DAB1: variants seen among roughly 807,000 people sequenced by gnomAD.
DAB1 encodes disabled homolog 1.
Under a neutral mutation model 64.6 loss-of-function variants are expected in DAB1, and 15 were observed. The observed-to-expected ratio is 0.23, with a 90% CI of 0.16 to 0.36. DAB1 has a LOEUF of 0.36. Ranked by LOEUF, DAB1 falls within the 10% of genes least tolerant of loss-of-function variation. The pLI, the probability that DAB1 is intolerant of heterozygous loss-of-function variation, is 1.00. For synonymous variants in DAB1, 235 were observed against 251.9 expected, an observed-to-expected ratio of 0.93 and a Z score of 0.64; for missense variants, 596 against 706.7, an observed-to-expected ratio of 0.84 and a Z score of 1.78.
intron 7 of DAB1, among the ~76,000 whole-genome samples, chr1:57,436,286 T>G (rs1339404822): frequency 6.6e-6 from 1 of 152,206 alleles, no homozygotes; most frequent in Non-Finnish European, 1.5e-5. Flanking sequence ...CACAGACATG[T>G]GAGTATGCAT....
intron 3 of DAB1, among the ~76,000 whole-genome samples, chr1:58,489,985 A>G (rs1205402774): frequency 2.6e-5 from 4 of 152,192 alleles, no homozygotes; most frequent in Admixed American, 2.0e-4. Flanking sequence ...AACCATAAAG[A>G]TGGGGAAAAA....
Position 57,641,154 on chromosome 1 carries a change from T to C in DAB1, n.625+8438A>G, listed in dbSNP as rs192917344. Reference sequence around the variant, plus strand: ...TTGCTATAAGGACAAAATGAGCAAATTGAGGCCTGGGAGTGGAGGTGGGAT... The same window carrying C: ...TTGCTATAAGGACAAAATGAGCAAACTGAGGCCTGGGAGTGGAGGTGGGAT... On this transcript the variant is annotated intron_variant and non_coding_transcript_variant, in intron 7 of 20. Coordinates refer to the DAB1 transcript ENST00000485760. Among the ~76,000 whole-genome samples, 11 of 152,204 alleles carry C rather than the reference T, an allele frequency of 7.2e-5. No homozygotes were observed. In the East Asian group the frequency reaches 2.1e-3, roughly 29 times the overall value.
chr1:57,918,740 T>C (rs979512014), intron 5 of DAB1, among the ~76,000 whole-genome samples: 8 of 151,872 alleles, frequency 5.3e-5, no homozygotes, highest in Admixed American at 2.6e-4. Context: ...AGGAGAATGG[T>C]GTGAACCCAG....
chr1:57,426,782 T>C (rs1685300599), upstream of DAB1, among the ~76,000 whole-genome samples: 1 of 152,076 alleles, frequency 6.6e-6, no homozygotes, highest in South Asian at 2.1e-4. Flanking sequence ...TACTTCTGTC[T>C]ACGTCAAAAT....
intron 1 of DAB1, among the ~76,000 whole-genome samples, chr1:57,368,197 G>A (rs778216666): frequency 6.6e-5 from 10 of 152,198 alleles, no homozygotes; most frequent in Non-Finnish European, 8.8e-5. Context: ...GAGGGAAGCC[G>A]AAATGGGGCT....
At chr1:58,100,504 T>G (rs1480186344) in intron 5 of DAB1, among the ~76,000 whole-genome samples, 1 of 152,224 alleles carries the variant, frequency 6.6e-6, no homozygotes, top group Admixed American at 6.5e-5. Context: ...TAGACTATTG[T>G]GCATAATGCT....
chr1:57,157,848 T>G (rs12120310), intron 2 of DAB1, among the ~76,000 whole-genome samples: 39,704 of 152,036 alleles, frequency 0.26, 6,259 homozygotes, highest in Middle Eastern at 0.42. Flanking sequence ...CCTGTCCCAT[T>G]CTCATAAATT....
Position 57,108,515 on chromosome 1 carries a change from C to T in DAB1, c.306+28028G>A, listed in dbSNP as rs56111893. 5.1e-3 allele frequency among the ~76,000 whole-genome samples: 773 copies of T among 152,324 alleles called. 7 individuals are homozygous for T. Among genetic ancestry groups the T allele is most frequent in the African/African-American group, 0.017 (724 of 41,580 alleles). Reference sequence around the variant, plus strand: ...CAGTACTGTTCTCTACATTTCCCACCATTCATTACTCTTTTAGCTATTTAT... The same window carrying T: ...CAGTACTGTTCTCTACATTTCCCACTATTCATTACTCTTTTAGCTATTTAT... On this transcript the variant is annotated intron_variant, in intron 4 of 14. Coordinates refer to ENST00000371236, the MANE Select transcript of DAB1 (RefSeq NM_001365792.1).
At chr1:57,415,658 T>C (rs938901247) in intron 1 of DAB1, among the ~76,000 whole-genome samples, 12 of 152,198 alleles carry the variant, frequency 7.9e-5, no homozygotes, top group African/African-American at 2.9e-4. Flanking sequence ...TTACTAGCAC[T>C]ACTGGTTTAA....
At chr1:57,452,251 T>G (rs1010295291) in intron 7 of DAB1, among the ~76,000 whole-genome samples, 2 of 143,682 alleles carry the variant, frequency 1.4e-5, no homozygotes, top group African/African-American at 5.2e-5. Flanking sequence ...GACCTGAGAC[T>G]TAAAGTCATA....
intron 5 of DAB1, among the ~76,000 whole-genome samples, chr1:58,085,615 A>G (rs959134130): frequency 1.2e-4 from 18 of 151,738 alleles, no homozygotes; most frequent in African/African-American, 4.1e-4. Context: ...CAATCCCCCC[A>G]TCTCAGCCTC....
chr1:57,346,221 AG>A lies in DAB1; in HGVS notation c.-136-55056del, dbSNP rs556013850. ...AGTTCTTACTAATTTCAGAGGAAAA[AG>A]GGGTGAGGAGGAGTGAGAAGACGGA... On this transcript the variant is annotated intron_variant, in intron 1 of 14. Transcript: ENST00000371236. Among the ~76,000 whole-genome samples, 69 of 152,258 alleles carry A rather than the reference AG, an allele frequency of 4.5e-4. No homozygotes were observed. In the South Asian group the frequency reaches 0.014, roughly 31 times the overall value.
chr1:57,760,561 C>T (rs1649030457), intron 6 of DAB1, among the ~76,000 whole-genome samples: 1 of 151,638 alleles, frequency 6.6e-6, no homozygotes, highest in African/African-American at 2.4e-5. Context: ...CTCCTCCCTT[C>T]TCTACTCTTC....
rs148963901 is a variant in DAB1, at chr1:57,305,669, T to C, written c.-136-14503A>G. Among the ~76,000 whole-genome samples, 1,355 of 151,598 alleles carry C rather than the reference T, an allele frequency of 8.9e-3. 25 individuals carry two copies. Among genetic ancestry groups the C allele is most frequent in the African/African-American group, 0.031 (1,266 of 41,354 alleles). On this transcript the variant is annotated intron_variant, in intron 1 of 14. Coordinates refer to ENST00000371236, the MANE Select transcript of DAB1 (RefSeq NM_001365792.1). ...CAGAGCATAAAACAGAAGGGAGAAA[T>C]GAAGAAAAGAAAACAATGGGCCAGG...
chr1:58,056,536 A>G, intron 5 of DAB1: 1 of 951,090 alleles, frequency 1.1e-6, no homozygotes, highest in South Asian at 1.3e-5. Flanking sequence ...GGGTTATGTC[A>G]CCTTGCTCAT....
chr1:57,870,933 C>T (rs2101956329), intron 1 of DAB1, among the ~76,000 whole-genome samples: 1 of 152,272 alleles, frequency 6.6e-6, no homozygotes, highest in South Asian at 2.1e-4. Context: ...TTATCAATTG[C>T]AAAGCAGACT....
chr1:57,004,718 G>C (rs1249912607), intron 14 of DAB1, among the ~76,000 whole-genome samples: 1 of 152,144 alleles, frequency 6.6e-6, no homozygotes, highest in Non-Finnish European at 1.5e-5. Context: ...TAGTCAGAGG[G>C]GAAAAAGGCT....
intron 6 of DAB1, among the ~76,000 whole-genome samples, chr1:57,701,382 T>G (rs1570751253): frequency 6.6e-6 from 1 of 152,090 alleles, no homozygotes; most frequent in Non-Finnish European, 1.5e-5. Context: ...CCATAAAAAA[T>G]GATGAGTTCA....
At chr1:57,605,794 CA>C (rs1570667141) in intron 7 of DAB1, 2 of 306,050 alleles carry the variant, frequency 6.5e-6, no homozygotes, top group East Asian at 5.7e-5. Flanking sequence ...TCATGATTTG[CA>C]TTTTTTTTTT....
Sources: gnomAD v4.1 joint callset for allele counts (sites outside exome capture counted in the v4.1 genomes callset) on GRCh38, gnomAD v4.1.1 for gene constraint, MANE v1.5 for transcripts, NCBI Gene and HGNC (gene_info 2026-07-23, HGNC 2026-07-21) for gene names.